TMEM175: variants seen among roughly 807,000 people sequenced by gnomAD.
TMEM175 encodes the protein transmembrane protein 175.
In TMEM175, 36 loss-of-function variants were observed where a neutral mutation model predicts 36.5. That is an observed-to-expected ratio of 0.99 (90% confidence interval 0.76 to 1.30). The LOEUF (loss-of-function observed/expected upper bound fraction) is 1.30. TMEM175 is among the 50% of genes most tolerant of loss of function. The pLI is 0.00. For synonymous variants in TMEM175, 339 were observed against 313.4 expected, an observed-to-expected ratio of 1.08 and a Z score of -0.86; for missense variants, 705 against 692.8, an observed-to-expected ratio of 1.02 and a Z score of -0.20.
intron 1 of TMEM175, among the ~76,000 whole-genome samples, chr4:942,883 G>C (rs1239882577): frequency 6.6e-6 from 1 of 151,916 alleles, no homozygotes; most frequent in Middle Eastern, 3.4e-3. Flanking sequence ...CAGGTGATCC[G>C]CCCGCCTCTG....
chr4:936,722 A>G (rs1047838862), intron 1 of TMEM175, among the ~76,000 whole-genome samples: 5 of 151,934 alleles, frequency 3.3e-5, no homozygotes, highest in Non-Finnish European at 7.4e-5. Flanking sequence ...TTGGGAGGCC[A>G]AGGCAGGTGG....
Position 946,748 on chromosome 4 carries a change from C to T in TMEM175, c.-31-961C>T, listed in dbSNP as rs372499273. Among the ~76,000 whole-genome samples the T allele has an allele frequency of 3.4e-3, 518 of 152,332 alleles. 33 individuals are homozygous for T. The South Asian group carries it at 0.1, about 29-fold the overall frequency. ...TGCACCCAGCCCCGGCTCCCACAGG[C>T]GGACTGGAGTGCCTGCCCTGGTGCT... On this transcript the variant is annotated intron_variant, in intron 1 of 10. Transcript: ENST00000264771.
Position 958,404 on chromosome 4 carries a change from G to A in TMEM175, c.1423G>A (p.Val475Ile), listed in dbSNP as rs773211843. The change falls in exon 11 of 11, where the codon GTC becomes ATC. Residue 475 changes from valine (V) to isoleucine (I), a missense_variant. Transcript: ENST00000264771. Reference sequence around the variant, plus strand: ...GGGCCTGGCCCTGGCCACCCTGCGGGTCCTGCGGGGCCTCGCCCGGCCCGA... The same window carrying A: ...GGGCCTGGCCCTGGCCACCCTGCGGATCCTGCGGGGCCTCGCCCGGCCCGA... ...LVGLALATLR[V>I]LRGLARPEHP... 1.2e-6 allele frequency: 2 copies of A among 1,600,032 alleles called. No homozygotes were observed. The highest frequency in any genetic ancestry group is 1.7e-6 in the Non-Finnish European group (2 of 1,179,122).
intron 1 of TMEM175, among the ~76,000 whole-genome samples, chr4:937,153 A>G (rs903214393): frequency 1.3e-5 from 2 of 152,148 alleles, no homozygotes; most frequent in Admixed American, 1.3e-4. Context: ...ATATACACCT[A>G]CTATATACCT....
intron 8 of TMEM175, among the ~76,000 whole-genome samples, chr4:954,489 C>T (rs574760286): frequency 1.3e-5 from 2 of 151,352 alleles, no homozygotes; most frequent in African/African-American, 4.9e-5. Flanking sequence ...TCGTGAGTGG[C>T]GCCGCTGTGA....
At chr4:950,641 G>A (rs541369363) in intron 4 of TMEM175, 123 bp downstream of exon 4, 17 of 726,542 alleles carry the variant, frequency 2.3e-5, no homozygotes, top group Non-Finnish European at 3.1e-5. Flanking sequence ...ACCCTCATCC[G>A]CGTGGGGATG....
intron 1 of TMEM175, among the ~76,000 whole-genome samples, chr4:941,099 C>T (rs200868722): frequency 2.7e-5 from 4 of 149,150 alleles, no homozygotes; most frequent in East Asian, 2.0e-4. Flanking sequence ...AACTCTGGGC[C>T]GGGTGCAGTG....
intron 1 of TMEM175, 132 bp from the exon 2 acceptor site, chr4:947,577 G>A (rs963663916): frequency 1.4e-6 from 1 of 691,392 alleles, no homozygotes; most frequent in East Asian, 2.7e-5. Context: ...AGAGCAGCGT[G>A]GACCCTTCCC....
chr4:948,692 A>C (rs1728496613), intron 3 of TMEM175: 1 of 1,201,488 alleles, frequency 8.3e-7, no homozygotes, highest in Non-Finnish European at 1.1e-6. Flanking sequence ...GCATCTTAGA[A>C]GGGGAATGAC....
chr4:943,916 C>T (rs1304691158), intron 1 of TMEM175, among the ~76,000 whole-genome samples: 1 of 152,200 alleles, frequency 6.6e-6, no homozygotes, highest in Non-Finnish European at 1.5e-5. Context: ...GTTACTGATA[C>T]TCCCAGCACC....
chr4:951,349 G>C (rs560835795), intron 5 of TMEM175, 91 bp downstream of exon 5: 17 of 1,429,290 alleles, frequency 1.2e-5, no homozygotes, highest in Non-Finnish European at 1.6e-5. Flanking sequence ...GGCCTCTCTC[G>C]TGACCTCCAG....
intron 1 of TMEM175, among the ~76,000 whole-genome samples, chr4:933,537 G>C (rs868581210): frequency 3.9e-5 from 6 of 152,206 alleles, no homozygotes; most frequent in Middle Eastern, 6.8e-3. Flanking sequence ...TAGTTTTCCA[G>C]CTTCTGTGGA....
At position 953,298 on chromosome 4, in the gene TMEM175, C is replaced by T. The variant is rs1180364048; in HGVS notation, c.571C>T (p.Gln191Ter). 1 of 1,614,098 alleles carries T rather than the reference C, an allele frequency of 6.2e-7. No homozygotes were observed. Among genetic ancestry groups the T allele is most frequent in the East Asian group, 2.2e-5 (1 of 44,864 alleles). ...ACGACACGTCCTGGGCATCGTCCTC[C>T]AAGGCCCGGCCCTGTGCTTTGCAGC... ...YRRHVLGIVL[Q>*]GPALCFAAAI... is the part of the protein sequence containing the mutation. The change falls in exon 8 of 11, where the codon CAA (glutamine) becomes TAA (stop). Residue 191 changes from glutamine to a stop codon, truncating the protein, a stop_gained. Coordinates refer to ENST00000264771, the MANE Select transcript of TMEM175 (RefSeq NM_032326.4). LOFTEE classifies it high-confidence loss of function.
At position 958,269 on chromosome 4, in the gene TMEM175, A is replaced by AGCCTGCTGGCCTTCGCCTCCACCT. The variant is rs1560505443; in HGVS notation, c.1297_1320dup (p.Ala433_Leu440dup). On this transcript the variant is annotated inframe_insertion, in exon 11 of 11. Transcript: ENST00000264771. ...CAAGCTGGCGCTGTACCCCTGTGCC[A>AGCCTGCTGGCCTTCGCCTCCACCT]GCCTGCTGGCCTTCGCCTCCACCTG... The AGCCTGCTGGCCTTCGCCTCCACCT allele has an allele frequency of 6.2e-7, 1 of 1,606,304 alleles. No homozygotes were observed. Among genetic ancestry groups the AGCCTGCTGGCCTTCGCCTCCACCT allele is most frequent in the African/African-American group, 1.3e-5 (1 of 75,054 alleles).
rs1729955525 is a variant in TMEM175 at position 957,976 on chromosome 4, T to C, written c.995T>C (p.Leu332Pro). Residue 332 changes from leucine to proline, a missense_variant, in exon 11 of 11, where the codon CTG (leucine) becomes CCG (proline). Leu to Pro is a moderately conservative substitution (Grantham distance 98). Coordinates refer to ENST00000264771, the MANE Select transcript of TMEM175 (RefSeq NM_032326.4). ...LLWFAHHSLF[L>P]HVRKATRAMG... ...TGGTTCGCCCACCACTCACTCTTCC[T>C]GCATGTGCGCAAGGCCACGCGGGCC... 1.2e-6 allele frequency: 2 copies of C among 1,612,778 alleles called. No individual in the cohort carries two copies. Among genetic ancestry groups the C allele is most frequent in the South Asian group, 2.2e-5 (2 of 91,092 alleles).
chr4:949,751 C>T (rs1000020000), intron 3 of TMEM175, among the ~76,000 whole-genome samples: 1 of 152,016 alleles, frequency 6.6e-6, no homozygotes, highest in African/African-American at 2.4e-5. Context: ...ACGCCCACCG[C>T]GGCCCCCAGG....
In TMEM175 at chr4:958,349, C is replaced by G. The variant is rs372664095; in HGVS notation, c.1368C>G (p.Pro456=). The part of the protein sequence containing the change: ...GIFHLMQIAV[P]CAFLLLRLLV... Reference sequence around the variant, plus strand: ...TCCACCTCATGCAGATCGCCGTGCCCTGCGCCTTCCTGTTGCTGCGCCTGC... The same window carrying G: ...TCCACCTCATGCAGATCGCCGTGCCGTGCGCCTTCCTGTTGCTGCGCCTGC... Residue 456 remains proline, a synonymous_variant, in exon 11 of 11, where the codon CCC becomes CCG. Coordinates refer to ENST00000264771, the MANE Select transcript of TMEM175 (RefSeq NM_032326.4). 102 of 1,603,868 alleles carry G rather than the reference C, an allele frequency of 6.4e-5. No homozygotes were observed. Among genetic ancestry groups the G allele is most frequent in the Non-Finnish European group, 7.9e-5 (93 of 1,179,808 alleles).
chr4:950,591 G>T, intron 4 of TMEM175, 73 bp downstream of exon 4: 2 of 1,137,242 alleles, frequency 1.8e-6, no homozygotes, highest in Admixed American at 1.8e-5. Flanking sequence ...CATCACGCAC[G>T]GGTCCATGGG....
At chr4:944,056 G>A (rs189415197) in intron 1 of TMEM175, among the ~76,000 whole-genome samples, 1 of 152,332 alleles carries the variant, frequency 6.6e-6, no homozygotes, top group Non-Finnish European at 1.5e-5. Flanking sequence ...ATTTCGGGAG[G>A]CCAAGGTAGG....
Sources: allele counts gnomAD v4.1 joint callset (sites outside exome capture counted in the v4.1 genomes callset), GRCh38; gene constraint gnomAD v4.1.1; transcripts MANE v1.5; gene names NCBI Gene and HGNC (gene_info 2026-07-23, HGNC 2026-07-21).